DPCD: variants seen among roughly 807,000 people sequenced by gnomAD.
The protein encoded by DPCD is deleted in primary ciliary dyskinesia homolog (mouse), also known as protein DPCD.
DPCD carries 20 observed loss-of-function variants against 26.4 expected under a neutral mutation model. The ratio of observed to expected loss-of-function variants is 0.76; its 90% CI spans 0.53 to 1.10. The LOEUF (loss-of-function observed/expected upper bound fraction) is 1.10, where lower values mean the gene tolerates loss of function less well. DPCD is among the 50% of genes least tolerant of loss of function. DPCD has a pLI of 0.00. For synonymous variants in DPCD, 97 were observed against 94.2 expected (o/e 1.03, Z -0.17); for missense variants, 202 against 253.9 (o/e 0.80, Z 1.39).
Position 101,600,701 on chromosome 10 carries a change from G to C in DPCD, c.146-37G>C. On this transcript the variant is annotated intron_variant, in intron 2 of 5. Coordinates refer to ENST00000370151, the MANE Select transcript of DPCD (RefSeq NM_015448.3). The surrounding 1 kb of genome is among the most constrained non-coding windows in gnomAD (Gnocchi z 4.7). ...ACCCTCTCTTCACTCTCATCCTGAT[G>C]CTTGCTTCTCATCCCGATGCTTGCT... The C allele has an allele frequency of 6.3e-7, 1 of 1,581,682 alleles. No individual in the cohort carries two copies. Among genetic ancestry groups the C allele is most frequent in the African/African-American group, 1.3e-5 (1 of 74,116 alleles).
At chr10:101,607,476 T>G (rs929294482) in intron 4 of DPCD, among the ~76,000 whole-genome samples, 4 of 152,138 alleles carry the variant, frequency 2.6e-5, no homozygotes, top group African/African-American at 9.7e-5. Flanking sequence ...AAGTAAACAT[T>G]CTTTTCCTGC....
intron 1 of DPCD, among the ~76,000 whole-genome samples, chr10:101,592,027 T>G (rs910727598): frequency 6.6e-6 from 1 of 151,890 alleles, no homozygotes; most frequent in African/African-American, 2.4e-5. Context: ...TATTATTTCA[T>G]GCATACACTC....
At chr10:101,591,926 T>C (rs1040109115) in intron 1 of DPCD, among the ~76,000 whole-genome samples, 3 of 152,140 alleles carry the variant, frequency 2.0e-5, no homozygotes, top group African/African-American at 7.2e-5. Flanking sequence ...CCTTAGGTGA[T>C]CCGCCTGCAT....
intron 4 of DPCD, chr10:101,605,141 C>T (rs1270797301): frequency 7.1e-6 from 11 of 1,550,342 alleles, no homozygotes; most frequent in Non-Finnish European, 9.6e-6. Flanking sequence ...TTTCTAAAGG[C>T]GGACTGGTTG....
chr10:101,590,582 C>CTTTT (rs763711189), intron 1 of DPCD, among the ~76,000 whole-genome samples: 4 of 121,574 alleles, frequency 3.3e-5, no homozygotes, highest in African/African-American at 9.0e-5. Context: ...AACGGAAATT[C>CTTTT]TTTTTTTTTT....
intron 1 of DPCD, among the ~76,000 whole-genome samples, chr10:101,594,210 G>A (rs907121204): frequency 1.6e-5 from 2 of 125,098 alleles, no homozygotes; most frequent in African/African-American, 5.7e-5. Flanking sequence ...TTCATGGGAA[G>A]ACAAATGCTT....
At chr10:101,609,073 A>G in intron 5 of DPCD, 136 bp downstream of exon 5, 1 of 779,210 alleles carries the variant, frequency 1.3e-6, no homozygotes, top group East Asian at 2.5e-5. Context: ...AGGCATCTCT[A>G]ATTCAGCATG....
intron 1 of DPCD, among the ~76,000 whole-genome samples, chr10:101,591,754 G>A (rs897668003): frequency 3.3e-5 from 5 of 151,836 alleles, no homozygotes; most frequent in African/African-American, 1.2e-4. Flanking sequence ...CAATCTCGGC[G>A]CACTGCAACC....
chr10:101,601,668 G>A (rs1038316849), intron 4 of DPCD, among the ~76,000 whole-genome samples: 1 of 151,882 alleles, frequency 6.6e-6, no homozygotes. Flanking sequence ...TTATGACCTT[G>A]GTCTCCTGAC....
Position 101,609,383 on chromosome 10 carries a change from A to T in DPCD, c.524A>T (p.Glu175Val). 1 of 1,614,164 alleles carries T rather than the reference A, an allele frequency of 6.2e-7. No individual in the cohort carries two copies. ...CATCCACAGTACCAGAAGCCAAAGGAGGTTGTGGTGGCCGAGTCTGAGCTA... is the reference window on the plus strand; with the variant it reads ...CATCCACAGTACCAGAAGCCAAAGGTGGTTGTGGTGGCCGAGTCTGAGCTA... ...TLIISYQKPK[E>V]VVVAESELQK... The change falls in exon 6 of 6, where the codon GAG becomes GTG. Residue 175 changes from glutamate (E) to valine (V), a missense_variant. Coordinates refer to ENST00000370151, the MANE Select transcript of DPCD (RefSeq NM_015448.3).
chr10:101,600,749 C>A lies in DPCD; in HGVS notation c.157C>A (p.Arg53Ser), dbSNP rs974491906. 9.3e-6 allele frequency: 15 copies of A among 1,612,700 alleles called. No homozygotes were observed. In the African/African-American group the frequency reaches 1.7e-4, roughly 19 times the overall value. ...GCTTCTCTCCCCAGTGAGAAAGTGGCGTGTGAAAAGTGCCCTGGGAGCCAT... is the reference window on the plus strand; with the variant it reads ...GCTTCTCTCCCCAGTGAGAAAGTGGAGTGTGAAAAGTGCCCTGGGAGCCAT... ...KTSELLVRKW[R>S]VKSALGAMGQ... The change falls in exon 3 of 6, where the codon CGT becomes AGT. Residue 53 changes from arginine to serine, a missense_variant. This residue lies in a region of DPCD where 37 missense variants were observed against 76.0 expected (regional missense o/e 0.49). Transcript: ENST00000370151. The surrounding 1 kb of genome is among the most constrained non-coding windows in gnomAD (Gnocchi z 4.7).
At position 101,603,338 on chromosome 10, in the gene DPCD, C is replaced by T. The variant is rs186270782; in HGVS notation, c.404+2002C>T. ...CTTTACTCCCATTAATTATATAGAACTCAATGGGTATTCCTTTATTATTAT... is the reference window on the plus strand; with the variant it reads ...CTTTACTCCCATTAATTATATAGAATTCAATGGGTATTCCTTTATTATTAT... On this transcript the variant is annotated intron_variant, in intron 4 of 5. Transcript: ENST00000370151. The surrounding 1 kb of genome is among the most constrained non-coding windows in gnomAD (Gnocchi z 4.6). Among the ~76,000 whole-genome samples the T allele has an allele frequency of 3.1e-3, 472 of 152,306 alleles. 8 individuals carry two copies. Among genetic ancestry groups the T allele is most frequent in the Non-Finnish European group, 7.4e-4 (50 of 68,026 alleles).
At chr10:101,594,565 A>G in intron 1 of DPCD, 93 bp from the exon 2 acceptor site, 1 of 1,309,342 alleles carries the variant, frequency 7.6e-7, no homozygotes, top group Non-Finnish European at 1.1e-6. Context: ...AGTACTCCCA[A>G]GGCTGGCACT....
chr10:101,593,009 T>TCAAAAAAAAAAAA (rs1554920602), intron 1 of DPCD, among the ~76,000 whole-genome samples: 5 of 147,272 alleles, frequency 3.4e-5, no homozygotes, highest in Admixed American at 6.7e-5. Context: ...CGAGACTCTG[T>TCAAAAAAAAAAAA]CAAAAAAAAA....
chr10:101,592,440 C>G (rs1171628176), intron 1 of DPCD, among the ~76,000 whole-genome samples: 1 of 152,126 alleles, frequency 6.6e-6, no homozygotes, highest in Non-Finnish European at 1.5e-5. Context: ...AAGTTAAGGG[C>G]CAGGCGTGGT....
At chr10:101,608,507 C>T (rs974613379) in intron 4 of DPCD, among the ~76,000 whole-genome samples, 3 of 152,206 alleles carry the variant, frequency 2.0e-5, no homozygotes, top group African/African-American at 7.2e-5. Flanking sequence ...TCCCAAGCTG[C>T]TTGAGCTATT....
chr10:101,588,321 G>C lies in DPCD; in HGVS notation c.-16G>C. The stretch of plus-strand genomic sequence containing the variant: ...TGCCATGGCAGCGGCTGGGCGTGCT[G>C]CTTAGCAGGGGAAAGATGGCGGTGA... On this transcript the variant is annotated 5_prime_UTR_variant, in exon 1 of 6. Coordinates refer to ENST00000370151, the MANE Select transcript of DPCD (RefSeq NM_015448.3). 1 of 1,599,834 alleles carries C rather than the reference G, an allele frequency of 6.3e-7. No individual in the cohort carries two copies. The highest frequency in any genetic ancestry group is 8.5e-7 in the Non-Finnish European group (1 of 1,172,526).
In DPCD at chr10:101,588,344, T is replaced by C. The variant is rs781772621; in HGVS notation, c.8T>C (p.Val3Ala). MA[V>A]TGWLESLRTA... ...CTGCTTAGCAGGGGAAAGATGGCGG[T>C]GACGGGCTGGTTGGAGAGTCTGCGG... Residue 3 changes from valine (V) to alanine (A), a missense_variant, in exon 1 of 6, where the codon GTG (valine) becomes GCG (alanine). Physicochemically the swap from Val to Ala is moderately conservative, Grantham distance 64 (BLOSUM62 0). Coordinates refer to ENST00000370151, the MANE Select transcript of DPCD (RefSeq NM_015448.3). 6.3e-7 allele frequency: 1 copy of C among 1,599,428 alleles called. No individual in the cohort carries two copies. Among genetic ancestry groups the C allele is most frequent in the Admixed American group, 1.7e-5 (1 of 58,830 alleles).
Position 101,609,490 on chromosome 10 carries a change from A to G in DPCD, c.*19A>G. Reference sequence around the variant, plus strand: ...CCAGTAGTTGGCCCCTGAGCCTTATACCTCCACCACAGGGGGTGCCGTGAG... The same window carrying G: ...CCAGTAGTTGGCCCCTGAGCCTTATGCCTCCACCACAGGGGGTGCCGTGAG... On this transcript the variant is annotated 3_prime_UTR_variant, in exon 6 of 6. Coordinates refer to ENST00000370151, the MANE Select transcript of DPCD (RefSeq NM_015448.3). The G allele has an allele frequency of 6.2e-7, 1 of 1,608,544 alleles. No homozygotes were observed. Among genetic ancestry groups the G allele is most frequent in the Non-Finnish European group, 8.5e-7 (1 of 1,176,306 alleles).
Sources: allele counts gnomAD v4.1 joint callset (sites outside exome capture counted in the v4.1 genomes callset), GRCh38; gene constraint gnomAD v4.1.1; regional missense constraint gnomAD v4.1.1; non-coding constraint Gnocchi (gnomAD v3.1); transcripts MANE v1.5; gene names NCBI Gene and HGNC (gene_info 2026-07-23, HGNC 2026-07-21).